The following EFHB variants were observed in gnomAD, a reference collection of about 807,000 sequenced individuals.
The protein encoded by EFHB is EF-hand domain-containing family member B.
A neutral mutation model predicts 87.2 loss-of-function variants in EFHB; 91 were observed. The ratio of observed to expected loss-of-function variants is 1.04; its 90% CI spans 0.88 to 1.24. EFHB has a LOEUF of 1.24. Among genes scored for constraint, EFHB ranks in the 50% most tolerant of loss-of-function variants. EFHB has a pLI of 0.00. For missense variants in EFHB, 1,084 were observed against 998.8 expected, an observed-to-expected ratio of 1.09 and a Z score of -1.15; for synonymous variants, 325 against 333.6, an observed-to-expected ratio of 0.97 and a Z score of 0.28.
At chr3:19,917,224 A>G (rs1464906582) in intron 4 of EFHB, among the ~76,000 whole-genome samples, 1 of 149,634 alleles carries the variant, frequency 6.7e-6, no homozygotes, top group East Asian at 1.9e-4. Flanking sequence ...ATAAATATAT[A>G]TAGTTTATAA....
intron 1 of EFHB, chr3:19,940,280 G>A: frequency 3.7e-6 from 1 of 269,824 alleles, no homozygotes; most frequent in South Asian, 3.8e-5. Context: ...TCAGTGTTGG[G>A]CCCTGAGAAA....
upstream of EFHB, among the ~76,000 whole-genome samples, chr3:19,934,892 G>A (rs115005690): frequency 1.6e-3 from 247 of 150,404 alleles, 1 homozygote; most frequent in South Asian, 4.0e-3. Flanking sequence ...TAACAACTAG[G>A]CTTTAAATCA....
intron 1 of EFHB, among the ~76,000 whole-genome samples, chr3:19,941,830 A>G (rs1462656401): frequency 6.8e-6 from 1 of 146,860 alleles, no homozygotes; most frequent in African/African-American, 2.5e-5. Context: ...GCACTCCAGC[A>G]TGAGCAACAA....
chr3:19,914,792 T>C (rs1012281312), intron 5 of EFHB, among the ~76,000 whole-genome samples: 17 of 152,262 alleles, frequency 1.1e-4, no homozygotes, highest in African/African-American at 3.9e-4. Context: ...AAATTAAGCA[T>C]TTAGAATAAG....
intron 12 of EFHB, among the ~76,000 whole-genome samples, chr3:19,880,521 G>A (rs982884336): frequency 6.6e-6 from 1 of 152,006 alleles, no homozygotes; most frequent in Admixed American, 6.6e-5. Context: ...CAAAGTGCTG[G>A]GATTACAGGC....
upstream of EFHB, among the ~76,000 whole-genome samples, chr3:19,938,478 C>T (rs757659076): frequency 1.3e-5 from 2 of 151,838 alleles, no homozygotes; most frequent in Non-Finnish European, 2.9e-5. Context: ...GTGATAAAGC[C>T]AAGTGTAGTA....
chr3:19,885,593 T>A (rs1694071461), intron 10 of EFHB, among the ~76,000 whole-genome samples: 1 of 152,240 alleles, frequency 6.6e-6, no homozygotes, highest in African/African-American at 2.4e-5. Context: ...GCTGTGGTGT[T>A]CCCATCTTTA....
At chr3:19,926,352 T>C (rs28378142) in intron 1 of EFHB, among the ~76,000 whole-genome samples, 1 of 151,970 alleles carries the variant, frequency 6.6e-6, no homozygotes, top group Admixed American at 6.6e-5. Flanking sequence ...TTTTGTTTTT[T>C]GGGGTTTTTA....
At chr3:19,921,585 T>TG (rs755448715) in intron 1 of EFHB, among the ~76,000 whole-genome samples, 9 of 151,818 alleles carry the variant, frequency 5.9e-5, no homozygotes, top group Non-Finnish European at 1.2e-4. Flanking sequence ...GGTGAGAGGC[T>TG]GGGGGGGCCA....
chr3:19,934,220 T>C, upstream of EFHB: 1 of 1,433,248 alleles, frequency 7.0e-7, no homozygotes, highest in South Asian at 1.5e-5. Flanking sequence ...TGGAGTCTGT[T>C]TATCAGGTTA....
In EFHB at chr3:19,895,354, C is replaced by T. The variant is rs1451800495; in HGVS notation, c.1725+1333G>A. Reference sequence around the variant, plus strand: ...AAAATTAGTCGGGCCTGGTGGCGGGCACCTGTAGTCCCACTACTCGGGAGG... The same window carrying T: ...AAAATTAGTCGGGCCTGGTGGCGGGTACCTGTAGTCCCACTACTCGGGAGG... On this transcript the variant is annotated intron_variant, in intron 9 of 12. Coordinates refer to ENST00000295824, the MANE Select transcript of EFHB (RefSeq NM_144715.4). 2.0e-5 allele frequency among the ~76,000 whole-genome samples: 3 copies of T among 151,584 alleles called. No homozygotes were observed. In the South Asian group the frequency reaches 6.2e-4, roughly 32 times the overall value.
At chr3:19,891,682 T>C (rs1053457018) in intron 9 of EFHB, among the ~76,000 whole-genome samples, 4 of 152,160 alleles carry the variant, frequency 2.6e-5, no homozygotes, top group African/African-American at 9.7e-5. Flanking sequence ...CTGCAAACTA[T>C]AGGACAAAAA....
At chr3:19,945,513 CT>C (rs1483228026) in intron 1 of EFHB, among the ~76,000 whole-genome samples, 4 of 152,130 alleles carry the variant, frequency 2.6e-5, no homozygotes, top group African/African-American at 9.7e-5. Context: ...AGAGGTGAAG[CT>C]GATTCTGCAG....
intron 6 of EFHB, 144 bp downstream of exon 6, chr3:19,905,476 C>T (rs879779375): frequency 7.2e-5 from 65 of 906,164 alleles, no homozygotes; most frequent in Non-Finnish European, 9.7e-5. Context: ...AAATACATTA[C>T]ACTGTTTTTT....
chr3:19,934,523 CT>C (rs1695963606), upstream of EFHB, among the ~76,000 whole-genome samples: 1 of 151,802 alleles, frequency 6.6e-6, no homozygotes, highest in African/African-American at 2.4e-5. Flanking sequence ...CCCTCTTCCC[CT>C]CTATCCCTGC....
intron 6 of EFHB, among the ~76,000 whole-genome samples, chr3:19,904,616 T>A (rs1181098854): frequency 2.0e-5 from 3 of 152,234 alleles, no homozygotes; most frequent in Non-Finnish European, 4.4e-5. Flanking sequence ...CCCTTCTGCA[T>A]GTCTTTTCCT....
chr3:19,888,681 A>G, intron 9 of EFHB, 30 bp from the exon 10 acceptor site: 1 of 1,561,808 alleles, frequency 6.4e-7, no homozygotes, highest in Non-Finnish European at 8.7e-7. Flanking sequence ...AGAACATAAA[A>G]TGGGAGTTGT....
At chr3:19,939,300 C>T (rs1394281348) in intron 1 of EFHB, among the ~76,000 whole-genome samples, 5 of 148,628 alleles carry the variant, frequency 3.4e-5, no homozygotes, top group Non-Finnish European at 7.4e-5. Context: ...GGTAAATGCT[C>T]TTCAAGACTC....
In EFHB at chr3:19,944,775, A is replaced by G. The variant is rs567652951; in HGVS notation, c.-32+2144T>C. On this transcript the variant is annotated intron_variant, in intron 1 of 14. Coordinates refer to the EFHB transcript ENST00000344838. ...TAAATTTCAGCATCAAATGTTTTTC[A>G]TTGTGAGGTCTTCTTAATGTTCGTG... 2.0e-3 allele frequency among the ~76,000 whole-genome samples: 303 copies of G among 151,992 alleles called. 1 individual carries two copies. The highest frequency in any genetic ancestry group is 6.9e-3 in the African/African-American group (286 of 41,402).
Sources: allele counts gnomAD v4.1 joint callset (sites outside exome capture counted in the v4.1 genomes callset), GRCh38; gene constraint gnomAD v4.1.1; transcripts MANE v1.5; gene names NCBI Gene and HGNC (gene_info 2026-07-23, HGNC 2026-07-21).